The following STPG2 variants were observed in gnomAD, a reference collection of about 807,000 sequenced individuals.
The protein encoded by STPG2 is sperm tail PG-rich repeat containing 2.
Under a neutral mutation model 54.2 loss-of-function variants are expected in STPG2, and 56 were observed. That is an observed-to-expected ratio of 1.03 (90% CI 0.83 to 1.29). STPG2 has a LOEUF of 1.29. Ranked by LOEUF, STPG2 falls within the 50% of genes most tolerant of loss-of-function variation. The pLI is 0.00. For missense variants in STPG2, 596 were observed against 544.9 expected, an observed-to-expected ratio of 1.09 and a Z score of -0.93; for synonymous variants, 200 against 181.8, an observed-to-expected ratio of 1.10 and a Z score of -0.81.
intron 5 of STPG2, among the ~76,000 whole-genome samples, chr4:98,063,312 G>A (rs1452129950): frequency 6.6e-6 from 1 of 152,048 alleles, no homozygotes; most frequent in African/African-American, 2.4e-5. Context: ...AGCTGGGCAT[G>A]GTGGCACATG....
intron 10 of STPG2, among the ~76,000 whole-genome samples, chr4:97,668,277 C>G (rs1259340757): frequency 1.3e-5 from 2 of 152,110 alleles, no homozygotes; most frequent in Non-Finnish European, 2.9e-5. Flanking sequence ...GCCAGCAGTC[C>G]TCCATAGGAA....
intron 8 of STPG2, chr4:97,917,324 G>C (rs1237673542): frequency 6.6e-6 from 1 of 152,258 alleles, no homozygotes; most frequent in Non-Finnish European, 1.5e-5. Context: ...CAGCGCGGTA[G>C]TGCCGGCCGC....
chr4:97,583,472 C>T lies in STPG2; in HGVS notation c.1321-24355G>A, dbSNP rs188836744. Reference sequence around the variant, plus strand: ...TTTACAAATTTGGAAAATATATTTGCTTAACCAAGAGTTCCTGCTATTTTC... The same window carrying T: ...TTTACAAATTTGGAAAATATATTTGTTTAACCAAGAGTTCCTGCTATTTTC... On this transcript the variant is annotated intron_variant, in intron 10 of 10. Transcript: ENST00000295268. 5.9e-5 allele frequency among the ~76,000 whole-genome samples: 9 copies of T among 152,062 alleles called. No individual in the cohort carries two copies. The East Asian group carries it at 1.7e-3, about 29-fold the overall frequency.
chr4:97,783,402 G>A (rs555045412), intron 9 of STPG2, among the ~76,000 whole-genome samples: 13 of 152,228 alleles, frequency 8.5e-5, no homozygotes, highest in Non-Finnish European at 1.8e-4. Flanking sequence ...TTAGAATGGC[G>A]ATCATTAAAA....
At chr4:98,086,109 C>T (rs1300609544) in intron 5 of STPG2, among the ~76,000 whole-genome samples, 1 of 152,044 alleles carries the variant, frequency 6.6e-6, no homozygotes, top group Non-Finnish European at 1.5e-5. Flanking sequence ...TTAATTTAAA[C>T]TTGCTATATT....
At chr4:97,538,107 A>G (rs1020092611) in intron 4 of STPG2, among the ~76,000 whole-genome samples, 3 of 152,202 alleles carry the variant, frequency 2.0e-5, no homozygotes, top group Admixed American at 6.5e-5. Context: ...AACAAAATAC[A>G]AAAACTGAAA....
chr4:97,456,891 C>CAAAAAAAAAAAAAAAAAAAAAAAAAA (rs57563048), intron 4 of STPG2, among the ~76,000 whole-genome samples: 3 of 48,918 alleles, frequency 6.1e-5, no homozygotes, highest in African/African-American at 2.3e-4. Flanking sequence ...TGCTCCGTCT[C>CAAAAAAAAAAAAAAAAAAAAAAAAAA]AAAAAAAAAA....
chr4:97,556,943 G>A (rs560115515), downstream of STPG2, among the ~76,000 whole-genome samples: 2 of 152,214 alleles, frequency 1.3e-5, no homozygotes, highest in South Asian at 4.1e-4. Context: ...CAGCACTTTG[G>A]GAGCCAAGGC....
At chr4:98,100,795 C>T (rs1040973206) in intron 5 of STPG2, among the ~76,000 whole-genome samples, 1 of 151,452 alleles carries the variant, frequency 6.6e-6, no homozygotes, top group Non-Finnish European at 1.5e-5. Context: ...CGTGCCTCAG[C>T]CTCCTGAGTA....
chr4:98,074,603 T>A (rs1738103070), intron 5 of STPG2, among the ~76,000 whole-genome samples: 1 of 152,168 alleles, frequency 6.6e-6, no homozygotes, highest in African/African-American at 2.4e-5. Context: ...TACCTTCTAT[T>A]CTTTTACTCA....
intron 8 of STPG2, among the ~76,000 whole-genome samples, chr4:97,908,240 T>G: frequency 6.6e-6 from 1 of 152,124 alleles, no homozygotes; most frequent in Non-Finnish European, 1.5e-5. Flanking sequence ...AAGACATTTA[T>G]GCAGCCAAAA....
intron 10 of STPG2, among the ~76,000 whole-genome samples, chr4:97,712,007 T>C (rs1234094589): frequency 6.6e-6 from 1 of 152,090 alleles, no homozygotes; most frequent in East Asian, 1.9e-4. Flanking sequence ...AAAACATGTA[T>C]TTAATATAAA....
chr4:97,774,462 G>A lies in STPG2; in HGVS notation c.1205-61648C>T, dbSNP rs376386608. Among the ~76,000 whole-genome samples, 6 of 152,256 alleles carry A rather than the reference G, an allele frequency of 3.9e-5. No individual in the cohort carries two copies. In the South Asian group the frequency reaches 1.0e-3, roughly 26 times the overall value. On this transcript the variant is annotated intron_variant, in intron 9 of 10. Transcript: ENST00000295268. ...TAAACAGTTTGACCACAACTCGGTT[G>A]TACCATTTTGTGGCTTGCCTAAGAA...
intron 8 of STPG2, among the ~76,000 whole-genome samples, chr4:97,885,652 C>A (rs1377942792): frequency 2.0e-5 from 3 of 152,044 alleles, no homozygotes; most frequent in Non-Finnish European, 4.4e-5. Flanking sequence ...TTTTTTCAAC[C>A]AAACACAAAT....
chr4:97,851,830 A>G (rs1340439911), intron 8 of STPG2, among the ~76,000 whole-genome samples: 3 of 152,176 alleles, frequency 2.0e-5, no homozygotes, highest in Admixed American at 6.5e-5. Context: ...TTAGTTTTAT[A>G]GAAAAAAATG....
chr4:97,562,958 A>T (rs1342764319), intron 10 of STPG2, among the ~76,000 whole-genome samples: 1 of 152,212 alleles, frequency 6.6e-6, no homozygotes, highest in African/African-American at 2.4e-5. Flanking sequence ...TGGCATCATA[A>T]AATGAGTTAG....
At chr4:97,881,630 T>C (rs1730378226) in intron 8 of STPG2, among the ~76,000 whole-genome samples, 1 of 152,078 alleles carries the variant, frequency 6.6e-6, no homozygotes, top group Non-Finnish European at 1.5e-5. Context: ...CAGAAACAAA[T>C]TGTATGGTTT....
intron 5 of STPG2, among the ~76,000 whole-genome samples, chr4:98,019,007 A>G (rs1003150893): frequency 8.6e-5 from 13 of 151,512 alleles, no homozygotes; most frequent in Non-Finnish European, 1.8e-4. Context: ...TGCTGTGCAG[A>G]AGCTCTTTAG....
chr4:97,635,602 C>T (rs569691736), intron 10 of STPG2, among the ~76,000 whole-genome samples: 11 of 152,202 alleles, frequency 7.2e-5, no homozygotes, highest in Non-Finnish European at 1.6e-4. Flanking sequence ...ACCCGTCTCA[C>T]GTGCAGAGAC....
Sources: allele counts gnomAD v4.1 joint callset (sites outside exome capture counted in the v4.1 genomes callset), GRCh38; gene constraint gnomAD v4.1.1; transcripts MANE v1.5; gene names NCBI Gene and HGNC (gene_info 2026-07-23, HGNC 2026-07-21).